Variants in CUL4B observed in about 807,000 individuals in gnomAD.
CUL4B encodes cullin 4B.
CUL4B carries 1 observed loss-of-function variant against 69.2 expected under a neutral mutation model. That is an observed-to-expected ratio of 0.01 (90% confidence interval 0.01 to 0.07). The LOEUF is 0.07. CUL4B is among the 10% of genes least tolerant of loss of function. The pLI is 1.00. For missense variants in CUL4B, 328 were observed against 638.8 expected (o/e 0.51, Z 5.24); for synonymous variants, 237 against 223.2 (o/e 1.06, Z -0.55).
At chrX:120,549,281 C>T (rs1924531605) in intron 2 of CUL4B, among the ~76,000 whole-genome samples, 1 of 112,073 alleles carries the variant, frequency 8.9e-6, no homozygotes, top group Non-Finnish European at 1.9e-5. Flanking sequence ...TGGCAGAGCG[C>T]GGTGGCTCAC....
chrX:120,559,039 A>T (rs1280804731), intron 1 of CUL4B, among the ~76,000 whole-genome samples: 2 of 111,127 alleles, frequency 1.8e-5, no homozygotes, highest in Non-Finnish European at 3.8e-5. Flanking sequence ...AAAATAGACA[A>T]CACCATAGCC....
At chrX:120,527,976 T>G (rs1923083006) in intron 19 of CUL4B, among the ~76,000 whole-genome samples, 1 of 112,702 alleles carries the variant, frequency 8.9e-6, no homozygotes, top group South Asian at 3.6e-4. Flanking sequence ...TTATTGTAAC[T>G]TCACATGAGC....
At chrX:120,561,447 G>A (rs1294597859), upstream of CUL4B, 1 of 542,053 alleles carries the variant, frequency 1.8e-6, no homozygotes, top group Non-Finnish European at 3.4e-6. Context: ...TGAGTGGGGG[G>A]GGGAAGGGGG....
chrX:120,544,098 C>G lies in CUL4B; in HGVS notation c.1173+16G>C. Reference sequence around the variant, plus strand: ...TGAGAGACAGTGAGAATTTATTAGTCATGATTTTTAAATACCTCTCTTTCT... The same window carrying G: ...TGAGAGACAGTGAGAATTTATTAGTGATGATTTTTAAATACCTCTCTTTCT... On this transcript the variant is annotated intron_variant, in intron 7 of 19. Transcript: ENST00000371322. The G allele has an allele frequency of 1.9e-6, 2 of 1,069,062 alleles. No individual in the cohort carries two copies. The highest frequency in any genetic ancestry group is 2.6e-6 in the Non-Finnish European group (2 of 766,390). The allele number at this position is 1,069,062 out of a possible 1,213,427, so 88.1% of individuals were successfully genotyped here.
chrX:120,567,118 A>ATTTTTTTTTTTTTT (rs72483160), downstream of CUL4B, among the ~76,000 whole-genome samples: 1 of 55,290 alleles, frequency 1.8e-5, no homozygotes, highest in Admixed American at 2.3e-4. Context: ...GCCAATTTAG[A>ATTTTTTTTTTTTTT]TTTTTTTTTT....
intron 2 of CUL4B, among the ~76,000 whole-genome samples, chrX:120,557,712 G>C (rs1925060799): frequency 9.0e-6 from 1 of 111,424 alleles, no homozygotes; most frequent in Admixed American, 9.5e-5. Context: ...TATCAGGAGG[G>C]TCAAATATAA....
intron 2 of CUL4B, among the ~76,000 whole-genome samples, chrX:120,572,461 C>T (rs1292438259): frequency 1.5e-5 from 1 of 67,222 alleles, no homozygotes; most frequent in Non-Finnish European, 2.7e-5. Flanking sequence ...GAGCAAAACT[C>T]CTCAAAAAAA....
At chrX:120,531,217 G>A (rs1463996458) in intron 18 of CUL4B, among the ~76,000 whole-genome samples, 1 of 109,318 alleles carries the variant, frequency 9.1e-6, no homozygotes, top group Non-Finnish European at 1.9e-5. Context: ...AGCTACTCAG[G>A]AGGCTGAGGC....
chrX:120,566,367 A>ATATATATATATGTATATATATG (rs1925533878), upstream of CUL4B, among the ~76,000 whole-genome samples: 1 of 57,133 alleles, frequency 1.8e-5, no homozygotes, highest in South Asian at 7.9e-4. Flanking sequence ...ATATATATAT[A>ATATATATATATGTATATATATG]TATATATATA....
chrX:120,560,207 T>C lies in CUL4B; in HGVS notation c.432A>G (p.Ile144Met), dbSNP rs777805257. Residue 144 changes from isoleucine (I) to methionine (M), a missense_variant, in exon 1 of 20, where the codon ATA becomes ATG. By Grantham distance (10) the Ile-to-Met change is conservative. Around this residue, in one of 4 missense-constraint regions of CUL4B, gnomAD observed 102 missense variants for 122.1 expected, o/e 0.84. Coordinates refer to ENST00000371322, the MANE Select transcript of CUL4B (RefSeq NM_001079872.2). ...SQQQQLKNKS[I>M]LISSVASVHH... ...GCACCGAAGCCACAGAAGAGATTAA[T>C]ATACTCTTATTTTTAAGTTGCTGCT... 4 of 1,210,109 alleles carry C rather than the reference T, an allele frequency of 3.3e-6. No individual in the cohort carries two copies. Among genetic ancestry groups the C allele is most frequent in the Non-Finnish European group, 4.5e-6 (4 of 895,155 alleles).
Position 120,560,667 on chromosome X carries a change from G to C in CUL4B, c.-29C>G, listed in dbSNP as rs1306430433. 8.4e-7 allele frequency: 1 copy of C among 1,194,245 alleles called. No individual in the cohort carries two copies. The highest frequency in any genetic ancestry group is 2.2e-5 in the Admixed American group (1 of 45,560). ...AATAGCGGGGTCAACAGGCAGAGGA[G>C]CATCAAAAACCTACGTTTATATGCC... On this transcript the variant is annotated 5_prime_UTR_variant, in exon 1 of 20. Transcript: ENST00000371322.
At chrX:120,559,682 T>C (rs921579378) in intron 1 of CUL4B, 11 of 573,327 alleles carry the variant, frequency 1.9e-5, no homozygotes, top group Non-Finnish European at 2.8e-5. Context: ...CATTGGATAA[T>C]GTGGCCTACT....
chrX:120,535,317 A>G (rs1408496568), intron 16 of CUL4B, among the ~76,000 whole-genome samples: 1 of 111,823 alleles, frequency 8.9e-6, no homozygotes, highest in South Asian at 3.7e-4. Flanking sequence ...TCAATCGTGG[A>G]AAGACCACAC....
chrX:120,549,655 T>C (rs959693527), intron 2 of CUL4B, among the ~76,000 whole-genome samples: 3 of 111,537 alleles, frequency 2.7e-5, no homozygotes, highest in Admixed American at 9.5e-5. Context: ...GCCAATTAGA[T>C]TGAGCAGCTA....
At chrX:120,535,004 G>A (rs771883467) in intron 16 of CUL4B, among the ~76,000 whole-genome samples, 16 of 111,556 alleles carry the variant, frequency 1.4e-4, no homozygotes, top group African/African-American at 4.9e-4. Flanking sequence ...CACTCTATTC[G>A]TAGCTCCCAG....
chrX:120,534,612 T>C (rs1367675078), intron 16 of CUL4B, 26 bp from the exon 17 acceptor site: 8 of 1,016,186 alleles, frequency 7.9e-6, no homozygotes, highest in Admixed American at 4.4e-5. Flanking sequence ...AAGTGTTTAG[T>C]CATCACTTTT....
At position 120,537,993 on chromosome X, in the gene CUL4B, T is replaced by C. The variant is rs752494924; in HGVS notation, c.1938+131A>G. The C allele has an allele frequency of 4.2e-5, 20 of 478,773 alleles. No homozygotes were observed. The South Asian group carries it at 7.6e-4, about 18-fold the overall frequency. 39.5% of individuals were successfully genotyped at this position (478,773 alleles called of 1,213,427 possible). A position where few individuals can be genotyped will look rare whatever the true frequency, so the allele number is the denominator to read the frequency against. On this transcript the variant is annotated intron_variant, in intron 14 of 19. Transcript: ENST00000371322. ...ATATTTCACCAATTTTTTTTTCTACTGTGAATATCACCTCAGTTGCCATGA... is the reference window on the plus strand; with the variant it reads ...ATATTTCACCAATTTTTTTTTCTACCGTGAATATCACCTCAGTTGCCATGA...
intron 2 of CUL4B, among the ~76,000 whole-genome samples, chrX:120,551,512 T>A (rs1294823659): frequency 9.0e-6 from 1 of 111,358 alleles, no homozygotes; most frequent in Admixed American, 9.6e-5. Context: ...TTATAACCTT[T>A]CACACATCCT....
chrX:120,536,680 T>G (rs938391433), intron 15 of CUL4B, among the ~76,000 whole-genome samples: 3 of 111,672 alleles, frequency 2.7e-5, no homozygotes, highest in African/African-American at 9.8e-5. Context: ...TTGGTGTTGG[T>G]GCGCTTACTG....
Sources: gnomAD v4.1 joint callset for allele counts (sites outside exome capture counted in the v4.1 genomes callset) on GRCh38, gnomAD v4.1.1 for gene constraint, gnomAD v4.1.1 regional missense constraint, MANE v1.5 for transcripts, NCBI Gene and HGNC (gene_info 2026-07-23, HGNC 2026-07-21) for gene names.